RNF17: variants seen among roughly 807,000 people sequenced by gnomAD.
The protein encoded by RNF17 is spermatogenesis associated 23.
A neutral mutation model predicts 200.5 loss-of-function variants in RNF17; 31 were observed. That is an observed-to-expected ratio of 0.15 (90% CI 0.12 to 0.21). The LOEUF (loss-of-function observed/expected upper bound fraction) is 0.21, where lower values mean the gene tolerates loss of function less well. Among genes scored for constraint, RNF17 ranks in the 10% least tolerant of loss-of-function variants. The pLI, the probability that RNF17 is intolerant of heterozygous loss-of-function variation, is 1.00. For missense variants in RNF17, 1,628 were observed against 1,905.1 expected (o/e 0.85, Z 2.71); for synonymous variants, 606 against 637.8 (o/e 0.95, Z 0.75).
chr13:24,791,451 G>A (rs1376502674), intron 9 of RNF17, among the ~76,000 whole-genome samples: 1 of 152,114 alleles, frequency 6.6e-6, no homozygotes, highest in East Asian at 1.9e-4. Context: ...AAGTTGGGAG[G>A]GGGAAGATAG....
intron 30 of RNF17, 107 bp from the exon 31 acceptor site, chr13:24,868,493 A>T (rs113369387): frequency 3.0e-6 from 1 of 328,588 alleles, no homozygotes; most frequent in South Asian, 2.2e-5. Flanking sequence ...AAAAAAAAAA[A>T]CTTGCTTTCT....
chr13:24,847,989 T>C (rs992855828), intron 22 of RNF17, among the ~76,000 whole-genome samples: 1 of 152,228 alleles, frequency 6.6e-6, no homozygotes, highest in Non-Finnish European at 1.5e-5. Flanking sequence ...TGGTATCTTA[T>C]GGACTGGAAT....
At chr13:24,882,064 C>A (rs1953866353), downstream of RNF17, among the ~76,000 whole-genome samples, 1 of 26,622 alleles carries the variant, frequency 3.8e-5, no homozygotes, top group African/African-American at 1.2e-4. Context: ...ATAGATACAT[C>A]TATATAGATA....
intron 11 of RNF17, among the ~76,000 whole-genome samples, chr13:24,798,951 GAAGAT>G (rs1289460082): frequency 1.3e-5 from 2 of 152,150 alleles, no homozygotes; most frequent in Non-Finnish European, 2.9e-5. Flanking sequence ...TTTACAAAGA[GAAGAT>G]AATTGTTTCT....
chr13:24,768,043 A>C (rs1880006934), intron 2 of RNF17, among the ~76,000 whole-genome samples: 1 of 152,010 alleles, frequency 6.6e-6, no homozygotes, highest in African/African-American at 2.4e-5. Flanking sequence ...CCTGCCCCTC[A>C]ACCTTTGTGT....
At chr13:24,796,070 T>G (rs1386146482) in intron 10 of RNF17, 67 bp from the exon 11 acceptor site, 4 of 1,239,006 alleles carry the variant, frequency 3.2e-6, no homozygotes, top group Non-Finnish European at 4.5e-6. Context: ...CTATTATGGT[T>G]GTTCAGCTTT....
intron 25 of RNF17, among the ~76,000 whole-genome samples, chr13:24,854,714 A>G (rs1028886596): frequency 6.6e-6 from 1 of 152,232 alleles, no homozygotes; most frequent in African/African-American, 2.4e-5. Flanking sequence ...TCATGTGAAG[A>G]TGGGATCCCA....
In RNF17 at chr13:24,772,609, C is replaced by CT. The variant is rs986274279; in HGVS notation, c.226-2191dup. On this transcript the variant is annotated intron_variant, in intron 2 of 35. Transcript: ENST00000255324. ...GGGCAAAGGACATGAACAGACACTT[C>CT]TTTTTTTTTTTTTCTTTTGAGACAA... Among the ~76,000 whole-genome samples the CT allele has an allele frequency of 2.7e-3, 385 of 143,564 alleles. 1 individual carries two copies. Among genetic ancestry groups the CT allele is most frequent in the Middle Eastern group, 0.014 (4 of 276 alleles). The allele number at this position is 143,564 out of a possible 152,430, so 94.2% of individuals were successfully genotyped here. A position where few individuals can be genotyped will look rare whatever the true frequency, so the allele number is the denominator to read the frequency against.
chr13:24,778,194 C>T (rs1214624858), intron 3 of RNF17, 101 bp from the exon 4 acceptor site: 40 of 722,410 alleles, frequency 5.5e-5, no homozygotes, highest in South Asian at 2.5e-4. Flanking sequence ...CCTGGGAAGT[C>T]GAGGCTGCCA....
intron 27 of RNF17, among the ~76,000 whole-genome samples, chr13:24,861,623 A>G (rs1183084926): frequency 6.6e-6 from 1 of 152,226 alleles, no homozygotes; most frequent in Non-Finnish European, 1.5e-5. Context: ...GTAGGAAGGT[A>G]TAAGATTGCA....
chr13:24,825,087 A>C (rs530234083), intron 15 of RNF17, among the ~76,000 whole-genome samples: 1 of 152,326 alleles, frequency 6.6e-6, no homozygotes, highest in South Asian at 2.1e-4. Flanking sequence ...GGCATTCTGC[A>C]GAAAAATAAG....
chr13:24,868,964 A>G (rs1893966056), intron 31 of RNF17, among the ~76,000 whole-genome samples: 1 of 152,198 alleles, frequency 6.6e-6, no homozygotes, highest in South Asian at 2.1e-4. Context: ...TACATCTGAT[A>G]TTTAGATTTT....
chr13:24,813,911 C>G (rs1482747803), intron 15 of RNF17, among the ~76,000 whole-genome samples: 1 of 141,994 alleles, frequency 7.0e-6, no homozygotes, highest in Non-Finnish European at 1.5e-5. Context: ...GTCCTCCTGC[C>G]TCAGCCTCCC....
intron 15 of RNF17, among the ~76,000 whole-genome samples, chr13:24,819,049 A>C (rs74699955): frequency 0.02 from 3,070 of 152,222 alleles, 109 homozygotes; most frequent in African/African-American, 0.07. Context: ...GTGTTAAAAA[A>C]CACACAGAAT....
At chr13:24,857,562 A>C (rs948254190) in intron 25 of RNF17, among the ~76,000 whole-genome samples, 1 of 152,138 alleles carries the variant, frequency 6.6e-6, no homozygotes, top group African/African-American at 2.4e-5. Context: ...AGCGTTTCCA[A>C]GTTTGTAAGA....
chr13:24,794,264 A>C, intron 10 of RNF17: 2 of 455,434 alleles, frequency 4.4e-6, no homozygotes, highest in South Asian at 1.6e-5. Context: ...CAACTGTCTG[A>C]GCTTGATGTA....
Position 24,859,184 on chromosome 13 carries a change from G to A in RNF17, c.3774+20G>A. ...GTCAGAGTGAGTCTGATATTCTTTTGTGACAATTCTAAAGCTAAATGCTAT... is the reference window on the plus strand; with the variant it reads ...GTCAGAGTGAGTCTGATATTCTTTTATGACAATTCTAAAGCTAAATGCTAT... On this transcript the variant is annotated intron_variant, in intron 26 of 35. Coordinates refer to ENST00000255324, the MANE Select transcript of RNF17 (RefSeq NM_031277.3). 1 of 1,549,908 alleles carries A rather than the reference G, an allele frequency of 6.5e-7. No individual in the cohort carries two copies. Among genetic ancestry groups the A allele is most frequent in the Non-Finnish European group, 8.7e-7 (1 of 1,142,878 alleles).
intron 15 of RNF17, among the ~76,000 whole-genome samples, chr13:24,820,171 G>A (rs1887877331): frequency 7.0e-6 from 1 of 143,634 alleles, no homozygotes; most frequent in South Asian, 2.2e-4. Flanking sequence ...TGCCCAGGCT[G>A]GAGGCAGTGG....
chr13:24,826,219 T>G (rs1472471404), intron 16 of RNF17: 1 of 363,742 alleles, frequency 2.7e-6, no homozygotes, highest in African/African-American at 2.2e-5. Flanking sequence ...TTCTACTTTT[T>G]CTACATCCTC....
Sources: gnomAD v4.1 joint callset for allele counts (sites outside exome capture counted in the v4.1 genomes callset) on GRCh38, gnomAD v4.1.1 for gene constraint, MANE v1.5 for transcripts, NCBI Gene and HGNC (gene_info 2026-07-23, HGNC 2026-07-21) for gene names.